Variants in JRK observed in about 807,000 individuals in gnomAD.
The protein encoded by JRK is jerky protein homolog.
For missense variants in JRK, 720 were observed against 509.2 expected (o/e 1.41, Z -3.98); for synonymous variants, 303 against 218.1 (o/e 1.39, Z -3.43).
At position 142,669,920 on chromosome 8, in the gene JRK, G is replaced by C. The variant is rs1176171317; in HGVS notation, c.-463+12C>G. 1 of 153,216 alleles carries C rather than the reference G, an allele frequency of 6.5e-6. No homozygotes were observed. Among genetic ancestry groups the C allele is most frequent in the Non-Finnish European group, 1.5e-5 (1 of 68,424 alleles). The allele number at this position is 153,216 out of a possible 1,614,324, so 9.5% of individuals were successfully genotyped here. On this transcript the variant is annotated intron_variant, in intron 1 of 1. Transcript: ENST00000612905. ...CCGGCCGCCCAGCGCCTCAGGCCAG[G>C]ACCCTACTCACCCTGCTCACCCGGA...
In JRK at chr8:142,662,332, C is replaced by A; in HGVS notation, c.*2020G>T. The A allele has an allele frequency of 1.0e-6, 1 of 985,652 alleles. No individual in the cohort carries two copies. The allele number at this position is 985,652 out of a possible 1,614,324, so 61.1% of individuals were successfully genotyped here. Reference sequence around the variant, plus strand: ...CATGCCCTCCCCAGCTCCACCCACCCAGGATGTCCTACTGTTTCAGAGCCC... The same window carrying A: ...CATGCCCTCCCCAGCTCCACCCACCAAGGATGTCCTACTGTTTCAGAGCCC... On this transcript the variant is annotated 3_prime_UTR_variant, in exon 2 of 2. Transcript: ENST00000612905.
At chr8:142,654,414 T>C (rs1554633445), downstream of JRK, among the ~76,000 whole-genome samples, 1 of 152,002 alleles carries the variant, frequency 6.6e-6, no homozygotes, top group Non-Finnish European at 1.5e-5. Context: ...AGCCACTCCT[T>C]GCTAAGGGTC....
rs1225964687 is a variant in JRK at position 142,660,263 on chromosome 8, T to TGCCCAGGCCCTGCC, written c.*4075_*4088dup. The TGCCCAGGCCCTGCC allele has an allele frequency of 9.1e-6, 9 of 985,828 alleles. No homozygotes were observed. Among genetic ancestry groups the TGCCCAGGCCCTGCC allele is most frequent in the Admixed American group, 1.2e-4 (2 of 16,278 alleles). The allele number at this position is 985,828 out of a possible 1,614,324, so 61.1% of individuals were successfully genotyped here. A position where few individuals can be genotyped will look rare whatever the true frequency, so the allele number is the denominator to read the frequency against. On this transcript the variant is annotated 3_prime_UTR_variant, in exon 2 of 2. Transcript: ENST00000612905. ...GTAAGCAGCAGAAGTGCAGAAGCCC[T>TGCCCAGGCCCTGCC]GCCCAGGCCCTGCCTCCCAGGCCAC... is the stretch of plus-strand genomic sequence containing the variant.
In JRK at chr8:142,661,207, G is replaced by A. The variant is rs1000081743; in HGVS notation, c.*3145C>T. ...AGACAACTTCCAGGACAGCGTGCCTGGGGTGCTCGCAGAAGGCCAGGCTGG... is the reference window on the plus strand; with the variant it reads ...AGACAACTTCCAGGACAGCGTGCCTAGGGTGCTCGCAGAAGGCCAGGCTGG... On this transcript the variant is annotated 3_prime_UTR_variant, in exon 2 of 2. Coordinates refer to ENST00000612905, the MANE Select transcript of JRK (RefSeq NM_003724.4). 16 of 985,462 alleles carry A rather than the reference G, an allele frequency of 1.6e-5. No individual in the cohort carries two copies. In the African/African-American group the frequency reaches 2.8e-4, roughly 17 times the overall value. The allele number at this position is 985,462 out of a possible 1,614,324, so 61.0% of individuals were successfully genotyped here. A position where few individuals can be genotyped will look rare whatever the true frequency, so the allele number is the denominator to read the frequency against.
chr8:142,665,948 G>C lies in JRK; in HGVS notation c.111C>G (p.Ser37Arg). 1.1e-6 allele frequency: 1 copy of C among 906,858 alleles called. No individual in the cohort carries two copies. Among genetic ancestry groups the C allele is most frequent in the Non-Finnish European group, 1.9e-6 (1 of 533,770 alleles). 56.2% of individuals were successfully genotyped at this position (906,858 alleles called of 1,614,324 possible). A position where few individuals can be genotyped will look rare whatever the true frequency, so the allele number is the denominator to read the frequency against. The part of the protein sequence containing the change: ...DICTRLEKGE[S>R]RKALMQEYNV... ...TGTACTCCTGCATCAGTGCCTTCCG[G>C]CTCTCGCCCTTCTCCAGGCGCGTGC... The change falls in exon 2 of 2, where the codon AGC becomes AGG. Residue 37 changes from serine (S) to arginine (R), a missense_variant. Physicochemically the swap from Ser to Arg is moderately radical, Grantham distance 110. Coordinates refer to ENST00000612905, the MANE Select transcript of JRK (RefSeq NM_003724.4).
At chr8:142,669,510 GA>G (rs782370527) in intron 1 of JRK, among the ~76,000 whole-genome samples, 1 of 152,122 alleles carries the variant, frequency 6.6e-6, no homozygotes, top group African/African-American at 2.4e-5. Flanking sequence ...TCTGGGACAA[GA>G]ACAAGAACAA....
chr8:142,660,212 G>A lies in JRK; in HGVS notation c.*4140C>T. 1 of 985,550 alleles carries A rather than the reference G, an allele frequency of 1.0e-6. No individual in the cohort carries two copies. Among genetic ancestry groups the A allele is most frequent in the Non-Finnish European group, 1.2e-6 (1 of 830,010 alleles). 61.1% of individuals were successfully genotyped at this position (985,550 alleles called of 1,614,324 possible). ...CCGAGAGCTCAGCCCTTGTCAAGGAGAGTCCTCGAACCCAGAGGGGGCTGG... is the reference window on the plus strand; with the variant it reads ...CCGAGAGCTCAGCCCTTGTCAAGGAAAGTCCTCGAACCCAGAGGGGGCTGG... On this transcript the variant is annotated 3_prime_UTR_variant, in exon 2 of 2. Coordinates refer to ENST00000612905, the MANE Select transcript of JRK (RefSeq NM_003724.4).
the JRK span, among the ~76,000 whole-genome samples, chr8:142,649,218 C>T: frequency 1.3e-5 from 2 of 152,044 alleles, no homozygotes; most frequent in Non-Finnish European, 2.9e-5. Context: ...ATTAAGACTG[C>T]GGGAGACTGT....
At chr8:142,644,148 A>C in the JRK span, among the ~76,000 whole-genome samples, 1 of 152,132 alleles carries the variant, frequency 6.6e-6, no homozygotes, top group Non-Finnish European at 1.5e-5. Flanking sequence ...ACCATCTCCA[A>C]AGCTATTAAA....
the JRK span, among the ~76,000 whole-genome samples, chr8:142,650,231 C>T: frequency 6.6e-6 from 1 of 152,234 alleles, no homozygotes; most frequent in African/African-American, 2.4e-5. Context: ...AACTCACTTG[C>T]TTTTGATTTT....
the JRK span, among the ~76,000 whole-genome samples, chr8:142,644,773 C>A: frequency 6.6e-6 from 1 of 152,092 alleles, no homozygotes; most frequent in Non-Finnish European, 1.5e-5. Flanking sequence ...AACAGGAAGC[C>A]AATTACATTT....
chr8:142,664,306 T>C lies in JRK; in HGVS notation c.*46A>G, dbSNP rs1023216715. 4 of 1,510,300 alleles carry C rather than the reference T, an allele frequency of 2.6e-6. No individual in the cohort carries two copies. Among genetic ancestry groups the C allele is most frequent in the South Asian group, 1.3e-5 (1 of 74,856 alleles). 93.6% of individuals were successfully genotyped at this position (1,510,300 alleles called of 1,614,324 possible). ...GGCACAGGACCATGCCACTCCAGGG[T>C]GTGGGGAGAAACAGGGCCAGTGGCC... On this transcript the variant is annotated 3_prime_UTR_variant, in exon 2 of 2. Coordinates refer to ENST00000612905, the MANE Select transcript of JRK (RefSeq NM_003724.4).
rs1047525001 is a variant in JRK, at chr8:142,663,189, G to C, written c.*1163C>G. 1.0e-6 allele frequency: 1 copy of C among 985,362 alleles called. No individual in the cohort carries two copies. Among genetic ancestry groups the C allele is most frequent in the Non-Finnish European group, 1.2e-6 (1 of 829,888 alleles). The allele number at this position is 985,362 out of a possible 1,614,324, so 61.0% of individuals were successfully genotyped here. A position where few individuals can be genotyped will look rare whatever the true frequency, so the allele number is the denominator to read the frequency against. On this transcript the variant is annotated 3_prime_UTR_variant, in exon 2 of 2. Coordinates refer to ENST00000612905, the MANE Select transcript of JRK (RefSeq NM_003724.4). ...AGGACAATGCACCTATTTTATGCTC[G>C]CTGAAAGACGAGGCTAATCACTGTG...
chr8:142,665,159 G>A lies in JRK; in HGVS notation c.900C>T (p.Ser300=), dbSNP rs1563795569. The part of the protein sequence containing the change: ...EDSKAVLLLD[S]SRAHPQEAEL... The stretch of plus-strand genomic sequence containing the variant: ...CGGCCTCCTGCGGGTGAGCCCGGGA[G>A]CTGTCCAGCAAGAGAACGGCTTTGC... The change falls in exon 2 of 2, where the codon AGC becomes AGT. Residue 300 remains serine (S), a synonymous_variant. Transcript: ENST00000612905. 5 of 717,904 alleles carry A rather than the reference G, an allele frequency of 7.0e-6. No homozygotes were observed. Among genetic ancestry groups the A allele is most frequent in the Non-Finnish European group, 1.0e-5 (4 of 385,100 alleles). 44.5% of individuals were successfully genotyped at this position (717,904 alleles called of 1,614,324 possible). A position where few individuals can be genotyped will look rare whatever the true frequency, so the allele number is the denominator to read the frequency against.
In JRK at chr8:142,665,876, C is replaced by A. The variant is rs781947467; in HGVS notation, c.183G>T (p.Gln61His). ...CGGAGCTGGCGAAGAACCGGAGCAG[C>A]TGCGCCTTGTGGGCCCTGATGTCGT... ...TLYDIRAHKA[Q>H]LLRFFASSDS... Residue 61 changes from glutamine (Q) to histidine (H), a missense_variant, in exon 2 of 2, where the codon CAG becomes CAT. By Grantham distance (24) the Gln-to-His change is conservative. Coordinates refer to ENST00000612905, the MANE Select transcript of JRK (RefSeq NM_003724.4). 2.6e-6 allele frequency: 2 copies of A among 783,016 alleles called. No homozygotes were observed. Among genetic ancestry groups the A allele is most frequent in the Non-Finnish European group, 4.8e-6 (2 of 420,792 alleles). 48.5% of individuals were successfully genotyped at this position (783,016 alleles called of 1,614,324 possible).
At position 142,660,595 on chromosome 8, in the gene JRK, TCTCC is replaced by T. The variant is rs782592911; in HGVS notation, c.*3753_*3756del. 6.8e-6 allele frequency: 5 copies of T among 735,898 alleles called. No individual in the cohort carries two copies. Among genetic ancestry groups the T allele is most frequent in the Non-Finnish European group, 8.3e-6 (5 of 604,380 alleles). The allele number at this position is 735,898 out of a possible 1,614,324, so 45.6% of individuals were successfully genotyped here. A position where few individuals can be genotyped will look rare whatever the true frequency, so the allele number is the denominator to read the frequency against. ...TCTTTTACTTTCTGTAGAGATGGGG[TCTCC>T]CTATGTTGCCCAGGCTGGTTTCAAA... On this transcript the variant is annotated 3_prime_UTR_variant, in exon 2 of 2. Transcript: ENST00000612905.
downstream of JRK, among the ~76,000 whole-genome samples, chr8:142,655,972 C>G (rs1369425855): frequency 6.6e-6 from 1 of 152,188 alleles, no homozygotes; most frequent in East Asian, 1.9e-4. Context: ...TATTGGCTCA[C>G]CCCTTCCTTT....
intron 1 of JRK, 55 bp from the exon 2 acceptor site, chr8:142,666,575 T>G (rs587718674): frequency 4.5e-6 from 1 of 222,164 alleles, no homozygotes; most frequent in Non-Finnish European, 9.3e-6. Context: ...AGGACACACA[T>G]GGCGTCCTCA....
the JRK span, among the ~76,000 whole-genome samples, chr8:142,647,008 G>C: frequency 1.3e-5 from 2 of 152,192 alleles, no homozygotes; most frequent in Non-Finnish European, 2.9e-5. Context: ...TCAGACGGCA[G>C]AATTTACATC....
Sources: gnomAD v4.1 joint callset for allele counts (sites outside exome capture counted in the v4.1 genomes callset) on GRCh38, gnomAD v4.1.1 for gene constraint, MANE v1.5 for transcripts, NCBI Gene and HGNC (gene_info 2026-07-23, HGNC 2026-07-21) for gene names.